The following BCKDHB variants were observed in gnomAD, a reference collection of about 807,000 sequenced individuals.
The protein encoded by BCKDHB is branched chain keto acid dehydrogenase E1 subunit beta.
Under a neutral mutation model 48.5 loss-of-function variants are expected in BCKDHB, and 41 were observed. The ratio of observed to expected loss-of-function variants is 0.85; its 90% CI spans 0.66 to 1.10. BCKDHB has a LOEUF of 1.10. Ranked by LOEUF, BCKDHB falls within the 50% of genes least tolerant of loss-of-function variation. BCKDHB has a pLI of 0.00. For missense variants in BCKDHB, 496 were observed against 494.2 expected (o/e 1.00, Z -0.03); for synonymous variants, 201 against 174.8 (o/e 1.15, Z -1.18).
intron 9 of BCKDHB, among the ~76,000 whole-genome samples, chr6:80,329,856 C>A (rs1381332158): frequency 6.6e-6 from 1 of 152,132 alleles, no homozygotes; most frequent in African/African-American, 2.4e-5. Context: ...CCCTTACTTA[C>A]TTCCTTTTTA....
At chr6:80,205,358 T>G (rs905654803) in intron 8 of BCKDHB, among the ~76,000 whole-genome samples, 3 of 152,106 alleles carry the variant, frequency 2.0e-5, no homozygotes, top group Non-Finnish European at 4.4e-5. Context: ...TATGACTCAT[T>G]AGATCGCTGA....
intron 6 of BCKDHB, among the ~76,000 whole-genome samples, chr6:80,194,139 A>G (rs911065251): frequency 6.6e-6 from 1 of 152,108 alleles, no homozygotes; most frequent in African/African-American, 2.4e-5. Flanking sequence ...CTAATTTGGT[A>G]TACTTTCTGT....
the BCKDHB span, among the ~76,000 whole-genome samples, chr6:80,357,222 G>A: frequency 6.6e-6 from 1 of 152,144 alleles, no homozygotes; most frequent in African/African-American, 2.4e-5. Context: ...ACTGTGGGAA[G>A]TCATTACCAT....
At chr6:80,450,878 A>C in the BCKDHB span, among the ~76,000 whole-genome samples, 1 of 152,186 alleles carries the variant, frequency 6.6e-6, no homozygotes, top group African/African-American at 2.4e-5. Flanking sequence ...AAGTAAAACA[A>C]TGAGATACAT....
In BCKDHB at chr6:80,107,518, T is replaced by TATATATGCAC. The variant is rs1554181350; in HGVS notation, c.196+635_196+636insGCACATATAT. Among the ~76,000 whole-genome samples, 218 of 121,664 alleles carry TATATATGCAC rather than the reference T, an allele frequency of 1.8e-3. 3 individuals carry two copies. The highest frequency in any genetic ancestry group is 8.9e-3 in the Admixed American group (115 of 12,992). The allele number at this position is 121,664 out of a possible 152,430, so 79.8% of individuals were successfully genotyped here. Reference sequence around the variant, plus strand: ...ATATATGCATATATATGTGCGCATATATATATATATGCATATATATATATG... The same window carrying TATATATGCAC: ...ATATATGCATATATATGTGCGCATATATATATGCACATATATATATGCATATATATATATG... On this transcript the variant is annotated intron_variant, in intron 1 of 9. Coordinates refer to ENST00000320393, the MANE Select transcript of BCKDHB (RefSeq NM_183050.4).
chr6:80,399,711 C>T, the BCKDHB span, among the ~76,000 whole-genome samples: 1 of 152,082 alleles, frequency 6.6e-6, no homozygotes, highest in African/African-American at 2.4e-5. Context: ...TATAAAATTA[C>T]CAATGACAGT....
the BCKDHB span, among the ~76,000 whole-genome samples, chr6:80,456,106 T>G: frequency 1.1e-4 from 16 of 151,718 alleles, no homozygotes; most frequent in Non-Finnish European, 1.9e-4. Context: ...TCCCAGCTAC[T>G]CGGGAGGCTG....
At chr6:80,461,850 C>T in the BCKDHB span, among the ~76,000 whole-genome samples, 1 of 152,004 alleles carries the variant, frequency 6.6e-6, no homozygotes, top group Non-Finnish European at 1.5e-5. Flanking sequence ...TGGAGAAAAC[C>T]AACAGATGAC....
At chr6:80,187,225 A>G (rs1238834376) in intron 6 of BCKDHB, among the ~76,000 whole-genome samples, 1 of 152,212 alleles carries the variant, frequency 6.6e-6, no homozygotes, top group East Asian at 1.9e-4. Context: ...TCTTTGCAGT[A>G]TCATTTGATT....
At chr6:80,138,042 A>T (rs1362685342) in intron 3 of BCKDHB, among the ~76,000 whole-genome samples, 1 of 151,960 alleles carries the variant, frequency 6.6e-6, no homozygotes, top group Non-Finnish European at 1.5e-5. Flanking sequence ...TGATCATACC[A>T]CTGCAGTCTA....
the BCKDHB span, among the ~76,000 whole-genome samples, chr6:80,411,727 C>T: frequency 5.3e-5 from 8 of 152,344 alleles, no homozygotes; most frequent in African/African-American, 1.2e-4. Flanking sequence ...CAGACTGCTG[C>T]GCTAGCAGTG....
the BCKDHB span, among the ~76,000 whole-genome samples, chr6:80,431,583 T>C: frequency 6.6e-6 from 1 of 152,228 alleles, no homozygotes; most frequent in South Asian, 2.1e-4. Context: ...AATGCCCTTC[T>C]TTGTCTCTCT....
chr6:80,255,747 C>T (rs1295578841), intron 8 of BCKDHB, among the ~76,000 whole-genome samples: 2 of 152,146 alleles, frequency 1.3e-5, no homozygotes, highest in Non-Finnish European at 2.9e-5. Context: ...GGAATTTCCT[C>T]TGGACTATAT....
intron 9 of BCKDHB, among the ~76,000 whole-genome samples, chr6:80,332,856 A>G (rs777356140): frequency 4.0e-4 from 61 of 152,068 alleles, no homozygotes; most frequent in Non-Finnish European, 7.2e-4. Context: ...ACGGCTAGGA[A>G]TTAATCAGAA....
At chr6:80,129,127 A>T in intron 2 of BCKDHB, 34 bp from the exon 3 acceptor site, 1 of 1,441,720 alleles carries the variant, frequency 6.9e-7, no homozygotes, top group Non-Finnish European at 9.7e-7. Flanking sequence ...AGAGATTATT[A>T]AATAAAATGT....
intron 8 of BCKDHB, among the ~76,000 whole-genome samples, chr6:80,239,899 G>T (rs1225823031): frequency 1.3e-5 from 2 of 152,176 alleles, no homozygotes; most frequent in African/African-American, 4.8e-5. Context: ...GTTTGTCAAA[G>T]ATCAGATGGT....
At chr6:80,380,876 T>C in the BCKDHB span, among the ~76,000 whole-genome samples, 1 of 152,020 alleles carries the variant, frequency 6.6e-6, no homozygotes, top group Non-Finnish European at 1.5e-5. Flanking sequence ...AAACACAATT[T>C]TTAAATATTA....
chr6:80,408,439 CT>C, the BCKDHB span, among the ~76,000 whole-genome samples: 1 of 151,670 alleles, frequency 6.6e-6, no homozygotes, highest in Non-Finnish European at 1.5e-5. Context: ...TTACCAGCTC[CT>C]TTTTTTTAAC....
intron 1 of BCKDHB, among the ~76,000 whole-genome samples, chr6:80,114,319 G>A (rs965793159): frequency 1.3e-5 from 2 of 151,518 alleles, no homozygotes; most frequent in African/African-American, 4.9e-5. Flanking sequence ...CTCAATCATG[G>A]CTCACTGCAG....
Sources: allele counts gnomAD v4.1 joint callset (sites outside exome capture counted in the v4.1 genomes callset), GRCh38; gene constraint gnomAD v4.1.1; transcripts MANE v1.5; gene names NCBI Gene and HGNC (gene_info 2026-07-23, HGNC 2026-07-21).